The following ADAMTS9 variants were observed in gnomAD, a reference collection of about 807,000 sequenced individuals.
ADAMTS9 encodes A disintegrin and metalloproteinase with thrombospondin motifs 9.
ADAMTS9 carries 107 observed loss-of-function variants against 257.1 expected under a neutral mutation model. The observed-to-expected ratio is 0.42, with a 90% CI of 0.36 to 0.49. The LOEUF (loss-of-function observed/expected upper bound fraction) is 0.49, where lower values mean the gene tolerates loss of function less well. ADAMTS9 is among the 20% of genes least tolerant of loss of function. The probability of loss-of-function intolerance (pLI) is 0.03; values close to 1 mark genes in which losing one functional copy is unlikely to be tolerated. For synonymous variants in ADAMTS9, 982 were observed against 880.9 expected (o/e 1.11, Z -2.03); for missense variants, 2,353 against 2,469.1 (o/e 0.95, Z 1.00).
Position 64,540,380 on chromosome 3 carries a change from T to C in ADAMTS9, c.5521+715A>G, listed in dbSNP as rs376856450. 4.6e-5 allele frequency among the ~76,000 whole-genome samples: 7 copies of C among 152,374 alleles called. No individual in the cohort carries two copies. In the East Asian group the frequency reaches 7.7e-4, roughly 17 times the overall value. The stretch of plus-strand genomic sequence containing the variant: ...AGGGAACATGTTGAGGTATTTTAGC[T>C]GTCTTTAACCACTCCTATGATTAAT... On this transcript the variant is annotated intron_variant, in intron 36 of 39. Transcript: ENST00000498707.
rs572506720 is a variant in ADAMTS9, at chr3:64,571,214, G to A, written c.4357-2679C>T. On this transcript the variant is annotated intron_variant, in intron 28 of 39. Coordinates refer to ENST00000498707, the MANE Select transcript of ADAMTS9 (RefSeq NM_182920.2). Reference sequence around the variant, plus strand: ...CAACTCTCTCACATTTATGAGCCAGGCACTGCCCTAAGACTTTATATGCAT... The same window carrying A: ...CAACTCTCTCACATTTATGAGCCAGACACTGCCCTAAGACTTTATATGCAT... Among the ~76,000 whole-genome samples, 3 of 152,312 alleles carry A rather than the reference G, an allele frequency of 2.0e-5. No individual in the cohort carries two copies. The East Asian group carries it at 5.8e-4, about 29-fold the overall frequency.
Position 64,594,302 on chromosome 3 carries a change from C to T in ADAMTS9, c.4312G>A (p.Ala1438Thr). ...PPDREQCNTH[A>T]CPHDAAWSTG... ...CTCCATGCAGCGTCGTGTGGACAAGCATGTGTGTTACACTGCTCACGATCG... is the reference window on the plus strand; with the variant it reads ...CTCCATGCAGCGTCGTGTGGACAAGTATGTGTGTTACACTGCTCACGATCG... The change falls in exon 28 of 40, where the codon GCT becomes ACT. Residue 1438 changes from alanine to threonine, a missense_variant. Ala to Thr is a moderately conservative substitution (Grantham distance 58). Coordinates refer to ENST00000498707, the MANE Select transcript of ADAMTS9 (RefSeq NM_182920.2). 4 of 1,612,972 alleles carry T rather than the reference C, an allele frequency of 2.5e-6. No homozygotes were observed. The highest frequency in any genetic ancestry group is 2.5e-6 in the Non-Finnish European group (3 of 1,179,640).
chr3:64,579,182 C>T (rs77431616), intron 28 of ADAMTS9, among the ~76,000 whole-genome samples: 1 of 152,256 alleles, frequency 6.6e-6, no homozygotes, highest in African/African-American at 2.4e-5. Flanking sequence ...CTATCATTCA[C>T]ATCCTCTGTT....
At chr3:64,606,182 C>G (rs2084553352) in intron 23 of ADAMTS9, among the ~76,000 whole-genome samples, 1 of 152,200 alleles carries the variant, frequency 6.6e-6, no homozygotes, top group African/African-American at 2.4e-5. Context: ...TCCTTTTGTT[C>G]TATTCACAAT....
chr3:64,541,043 C>G (rs1415010730), intron 36 of ADAMTS9, 52 bp downstream of exon 36: 23 of 1,606,834 alleles, frequency 1.4e-5, no homozygotes, highest in Non-Finnish European at 1.9e-5. Flanking sequence ...TGCTTGCTGT[C>G]TGAATGGAGA....
chr3:64,573,366 G>A (rs2083747842), intron 28 of ADAMTS9, among the ~76,000 whole-genome samples: 2 of 152,132 alleles, frequency 1.3e-5, no homozygotes, highest in African/African-American at 4.8e-5. Flanking sequence ...CCAACCACAG[G>A]ACTGGCTGAT....
In ADAMTS9 at chr3:64,516,504, T is replaced by A. The variant is rs1206454856; in HGVS notation, c.*623A>T. ...TCCCTTTCATTAAAAGTGTTTATAT[T>A]TCTGAGTCGGATGATCATTTAAATA... On this transcript the variant is annotated 3_prime_UTR_variant, in exon 40 of 40. Transcript: ENST00000498707. The A allele has an allele frequency of 6.6e-6, 1 of 152,648 alleles. No homozygotes were observed. Among genetic ancestry groups the A allele is most frequent in the Non-Finnish European group, 1.5e-5 (1 of 68,050 alleles). The allele number at this position is 152,648 out of a possible 1,614,324, so 9.5% of individuals were successfully genotyped here. A position where few individuals can be genotyped will look rare whatever the true frequency, so the allele number is the denominator to read the frequency against.
At chr3:64,581,841 A>G (rs2106746086) in intron 28 of ADAMTS9, among the ~76,000 whole-genome samples, 1 of 152,336 alleles carries the variant, frequency 6.6e-6, no homozygotes, top group East Asian at 1.9e-4. Context: ...TGAACATTGC[A>G]GGGAAAATCC....
rs559523089 is a variant in ADAMTS9 at position 64,614,739 on chromosome 3, G to A, written c.3189+582C>T. On this transcript the variant is annotated intron_variant, in intron 21 of 39. Transcript: ENST00000498707. ...CATCTTCTTTCTCTTGTTGTCCTGG[G>A]ACCATCTGTGCTAAGCAATGGAGGG... 3.3e-5 allele frequency: 5 copies of A among 152,474 alleles called. 1 individual carries two copies. The highest frequency in any genetic ancestry group is 5.9e-5 in the Non-Finnish European group (4 of 68,328). 9.4% of individuals were successfully genotyped at this position (152,474 alleles called of 1,614,324 possible). A position where few individuals can be genotyped will look rare whatever the true frequency, so the allele number is the denominator to read the frequency against.
chr3:64,649,667 A>G lies in ADAMTS9; in HGVS notation c.1575T>C (p.Phe525=). Reference sequence around the variant, plus strand: ...ATGGGCACACCTGAGAACCTGGTCCAAAAATCAATTCACATTGTTTATTCA... The same window carrying G: ...ATGGGCACACCTGAGAACCTGGTCCGAAAATCAATTCACATTGTTTATTCA... ...YNVNKQCELI[F]GPGSQVCPYM... The change falls in exon 10 of 40, where the codon TTT becomes TTC. Residue 525 remains phenylalanine, a synonymous_variant. Transcript: ENST00000498707. 1 of 1,613,868 alleles carries G rather than the reference A, an allele frequency of 6.2e-7. No individual in the cohort carries two copies. The highest frequency in any genetic ancestry group is 8.5e-7 in the Non-Finnish European group (1 of 1,179,876).
chr3:64,687,894 C>T lies in ADAMTS9; in HGVS notation c.-237G>A, dbSNP rs1701963238. 7.6e-6 allele frequency: 3 copies of T among 395,308 alleles called. No homozygotes were observed. Among genetic ancestry groups the T allele is most frequent in the South Asian group, 1.0e-4 (2 of 19,260 alleles). 24.5% of individuals were successfully genotyped at this position (395,308 alleles called of 1,614,324 possible). A position where few individuals can be genotyped will look rare whatever the true frequency, so the allele number is the denominator to read the frequency against. The stretch of plus-strand genomic sequence containing the variant: ...CGGGCCGCAGGAGGAGCCGGAGGAG[C>T]AGGAGGAGGAGGAGGACTGGGGCTC... On this transcript the variant is annotated 5_prime_UTR_variant, in exon 1 of 40. Transcript: ENST00000498707. This position sits in a 1 kb window ranked among gnomAD's most constrained non-coding sequence, Gnocchi z 4.4.
chr3:64,608,434 A>G (rs1030206509), intron 22 of ADAMTS9, among the ~76,000 whole-genome samples: 4 of 151,962 alleles, frequency 2.6e-5, no homozygotes, highest in African/African-American at 7.2e-5. Context: ...AAAAATGAGA[A>G]AAGACTCCAA....
rs137935402 is a variant in ADAMTS9 at position 64,655,626 on chromosome 3, C to A, written c.1119G>T (p.Ser373=). Residue 373 remains serine (S), a synonymous_variant, in exon 6 of 40, where the codon TCG becomes TCT. Coordinates refer to ENST00000498707, the MANE Select transcript of ADAMTS9 (RefSeq NM_182920.2). ...TLKNFCQWQH[S]KNSPGGIHHD... is the part of the protein sequence containing the mutation. ...GATGGATTCCACCTGGACTGTTCTTCGAATGCTGCCACTGGCAAAAGTTTT... is the reference window on the plus strand; with the variant it reads ...GATGGATTCCACCTGGACTGTTCTTAGAATGCTGCCACTGGCAAAAGTTTT... 6.2e-7 allele frequency: 1 copy of A among 1,614,106 alleles called. No homozygotes were observed. The highest frequency in any genetic ancestry group is 1.7e-5 in the Admixed American group (1 of 60,026).
At chr3:64,567,655 A>C (rs746784813) in intron 29 of ADAMTS9, among the ~76,000 whole-genome samples, 1 of 151,642 alleles carries the variant, frequency 6.6e-6, no homozygotes, top group African/African-American at 2.4e-5. Flanking sequence ...TGAAATGTTT[A>C]GAATTAGTGG....
At chr3:64,570,822 G>A (rs2083666686) in intron 28 of ADAMTS9, among the ~76,000 whole-genome samples, 1 of 152,156 alleles carries the variant, frequency 6.6e-6, no homozygotes, top group East Asian at 1.9e-4. Context: ...GGGCAATTGG[G>A]TAGATAGTGA....
rs200027180 is a variant in ADAMTS9 at position 64,621,169 on chromosome 3, G to A, written c.2758C>T (p.Arg920Trp). The A allele has an allele frequency of 1.4e-4, 218 of 1,613,864 alleles. No individual in the cohort carries two copies. The highest frequency in any genetic ancestry group is 1.7e-4 in the Non-Finnish European group (205 of 1,179,898). Reference sequence around the variant, plus strand: ...GTAATGTGTCCAGGCTGGGGCAGCCGATCGCATCTTTGATCAGAAACAGTA... The same window carrying A: ...GTAATGTGTCCAGGCTGGGGCAGCCAATCGCATCTTTGATCAGAAACAGTA... The part of the protein sequence containing the change: ...QLTVSDQRCD[R>W]LPQPGHITEP... Residue 920 changes from arginine (R) to tryptophan (W), a missense_variant, in exon 19 of 40, where the codon CGG becomes TGG. This residue lies in a region of ADAMTS9 where 1,402 missense variants were observed against 1,441.4 expected (regional missense o/e 0.97). Coordinates refer to ENST00000498707, the MANE Select transcript of ADAMTS9 (RefSeq NM_182920.2).
At chr3:64,547,512 A>ATTTTTTTT (rs58728148) in intron 31 of ADAMTS9, among the ~76,000 whole-genome samples, 2 of 122,112 alleles carry the variant, frequency 1.6e-5, no homozygotes, top group Non-Finnish European at 3.3e-5. Flanking sequence ...CTGGCTATAG[A>ATTTTTTTT]TTTTTTTTTT....
At chr3:64,644,667 C>T (rs1700740311) in intron 11 of ADAMTS9, among the ~76,000 whole-genome samples, 1 of 152,156 alleles carries the variant, frequency 6.6e-6, no homozygotes. Flanking sequence ...CTGGAGCAAC[C>T]ACAGCCATTT....
chr3:64,549,277 C>A (rs781167825), intron 31 of ADAMTS9, among the ~76,000 whole-genome samples: 4 of 152,140 alleles, frequency 2.6e-5, no homozygotes, highest in Non-Finnish European at 5.9e-5. Context: ...TTTCAATCTT[C>A]TCCCTGTTTC....
Sources: gnomAD v4.1 joint callset for allele counts (sites outside exome capture counted in the v4.1 genomes callset) on GRCh38, gnomAD v4.1.1 for gene constraint, gnomAD v4.1.1 regional missense constraint, Gnocchi (gnomAD v3.1) non-coding constraint, MANE v1.5 for transcripts, NCBI Gene and HGNC (gene_info 2026-07-23, HGNC 2026-07-21) for gene names.